C8orf89: variants seen among roughly 807,000 people sequenced by gnomAD.
The protein encoded by C8orf89 is chromosome 8 open reading frame 89, also known as putative uncharacterized protein C8orf89.
A neutral mutation model predicts 15.8 loss-of-function variants in C8orf89; 14 were observed. That is an observed-to-expected ratio of 0.89 (90% CI 0.59 to 1.39). The LOEUF is 1.39. Ranked by LOEUF, C8orf89 falls within the 40% of genes most tolerant of loss-of-function variation. The probability of loss-of-function intolerance (pLI) is 0.00; values close to 1 mark genes in which losing one functional copy is unlikely to be tolerated. For missense variants in C8orf89, 181 were observed against 184.5 expected, an observed-to-expected ratio of 0.98 and a Z score of 0.11; for synonymous variants, 55 against 62.2, an observed-to-expected ratio of 0.88 and a Z score of 0.54.
At chr8:73,275,942 T>C in the C8orf89 span, among the ~76,000 whole-genome samples, 1 of 152,158 alleles carries the variant, frequency 6.6e-6, no homozygotes, top group South Asian at 2.1e-4. Context: ...ATTTTGATAC[T>C]GTTTCTCTGA....
the C8orf89 span, among the ~76,000 whole-genome samples, chr8:73,264,856 A>T: frequency 3.3e-5 from 5 of 152,236 alleles, no homozygotes; most frequent in African/African-American, 1.2e-4. Flanking sequence ...AGGAATATCT[A>T]AAAGTGAAGA....
At chr8:73,246,596 C>G (rs1307326800) in intron 3 of C8orf89, among the ~76,000 whole-genome samples, 2 of 152,166 alleles carry the variant, frequency 1.3e-5, no homozygotes, top group African/African-American at 4.8e-5. Context: ...CCAGGCTGGT[C>G]TCAAACTCCT....
chr8:73,265,897 C>A, the C8orf89 span, among the ~76,000 whole-genome samples: 2 of 152,112 alleles, frequency 1.3e-5, no homozygotes, highest in African/African-American at 4.8e-5. Flanking sequence ...ACATGGACAC[C>A]CCTCTTTCCT....
chr8:73,280,533 G>C, the C8orf89 span, among the ~76,000 whole-genome samples: 1 of 152,008 alleles, frequency 6.6e-6, no homozygotes, highest in African/African-American at 2.4e-5. Context: ...CCCAGGCCCA[G>C]CTAAATTTTT....
chr8:73,266,774 A>C, the C8orf89 span, among the ~76,000 whole-genome samples: 4 of 152,194 alleles, frequency 2.6e-5, no homozygotes, highest in Non-Finnish European at 4.4e-5. Context: ...GCAGGCGCCC[A>C]GAAACAATCA....
chr8:73,285,660 C>T, the C8orf89 span, among the ~76,000 whole-genome samples: 1 of 152,220 alleles, frequency 6.6e-6, no homozygotes, highest in Admixed American at 6.5e-5. Flanking sequence ...CGATCCTGGC[C>T]GTTGCGGCCC....
upstream of C8orf89, among the ~76,000 whole-genome samples, chr8:73,261,939 A>G (rs374975884): frequency 6.6e-6 from 1 of 152,066 alleles, no homozygotes; most frequent in East Asian, 1.9e-4. Context: ...CTTGGGGTTG[A>G]TCCTCTTTCC....
At chr8:73,270,175 A>T in the C8orf89 span, among the ~76,000 whole-genome samples, 2 of 152,242 alleles carry the variant, frequency 1.3e-5, no homozygotes, top group African/African-American at 4.8e-5. Flanking sequence ...TCATTATAAT[A>T]AAAATTTATT....
chr8:73,265,043 A>G, the C8orf89 span, among the ~76,000 whole-genome samples: 1 of 152,206 alleles, frequency 6.6e-6, no homozygotes, highest in Non-Finnish European at 1.5e-5. Flanking sequence ...GATGTGCTAT[A>G]AGTGTAAAAT....
At chr8:73,257,180 C>T in intron 1 of C8orf89, 54 bp from the exon 2 acceptor site, 2 of 1,169,814 alleles carry the variant, frequency 1.7e-6, no homozygotes, top group Non-Finnish European at 2.4e-6. Flanking sequence ...ACTTGTTTTA[C>T]TGCATCCTAA....
At chr8:73,248,561 C>T (rs1379561082) in intron 3 of C8orf89, among the ~76,000 whole-genome samples, 2 of 152,120 alleles carry the variant, frequency 1.3e-5, no homozygotes, top group African/African-American at 4.8e-5. Flanking sequence ...ATTGAGTCTT[C>T]CTATCCATGA....
upstream of C8orf89, among the ~76,000 whole-genome samples, chr8:73,260,438 T>G (rs1043261761): frequency 2.6e-5 from 4 of 152,060 alleles, no homozygotes; most frequent in Non-Finnish European, 4.4e-5. Context: ...CTAATGTAAA[T>G]GACAAGTTAA....
In C8orf89 at chr8:73,241,494, G is replaced by T. The variant is rs757699974; in HGVS notation, c.449C>A (p.Ser150Ter). Residue 150 changes from serine (S) to a stop codon, truncating the protein, a stop_gained, in exon 4 of 4, where the codon TCA (serine) becomes TAA (stop). Coordinates refer to ENST00000624510, the MANE Select transcript of C8orf89 (RefSeq NM_001243237.3). LOFTEE classifies it high-confidence loss of function. ...GAGGTCTCGTTTCTTGCTTTTTTTT[G>T]ATTTTGTGGTTGTTTCCTGACGAAT... ...DTIRQETTTK[S>*]KKSKKRDLRD... 88 of 1,524,922 alleles carry T rather than the reference G, an allele frequency of 5.8e-5. No homozygotes were observed. The highest frequency in any genetic ancestry group is 3.9e-4 in the African/African-American group (28 of 72,288). 94.5% of individuals were successfully genotyped at this position (1,524,922 alleles called of 1,614,324 possible). A position where few individuals can be genotyped will look rare whatever the true frequency, so the allele number is the denominator to read the frequency against.
chr8:73,245,790 C>A (rs181420785), intron 3 of C8orf89, among the ~76,000 whole-genome samples: 2 of 152,016 alleles, frequency 1.3e-5, no homozygotes, highest in African/African-American at 2.4e-5. Context: ...ATTAGAATAC[C>A]TTAAGAGCCC....
At chr8:73,242,450 C>T (rs1356196573) in intron 3 of C8orf89, among the ~76,000 whole-genome samples, 2 of 152,054 alleles carry the variant, frequency 1.3e-5, no homozygotes, top group Non-Finnish European at 2.9e-5. Context: ...CTCATTTAAA[C>T]TCTCATGTTA....
upstream of C8orf89, among the ~76,000 whole-genome samples, chr8:73,263,036 G>T (rs1464280247): frequency 6.6e-6 from 1 of 151,926 alleles, no homozygotes; most frequent in Non-Finnish European, 1.5e-5. Flanking sequence ...CGTAGGAAGA[G>T]ATAATAAAAA....
At chr8:73,242,695 C>T (rs1465704417) in intron 3 of C8orf89, among the ~76,000 whole-genome samples, 1 of 152,174 alleles carries the variant, frequency 6.6e-6, no homozygotes, top group Non-Finnish European at 1.5e-5. Flanking sequence ...AACCCTCATT[C>T]ACTGTTAGTG....
chr8:73,250,082 T>C (rs1441855362), intron 3 of C8orf89, among the ~76,000 whole-genome samples, 186 bp downstream of exon 3: 1 of 152,150 alleles, frequency 6.6e-6, no homozygotes, highest in East Asian at 1.9e-4. Context: ...CCTTGAGTCC[T>C]GAAATTATAA....
rs745448356 is a variant in C8orf89, at chr8:73,241,546, T to C, written c.397A>G (p.Lys133Glu). 1.3e-6 allele frequency: 2 copies of C among 1,534,206 alleles called. No homozygotes were observed. The highest frequency in any genetic ancestry group is 2.4e-5 in the South Asian group (2 of 83,746). ...GTATCATATTCCAATATGGCTATTTTGGAAAGTCTCTCTAAGTATTGAGAT... is the reference window on the plus strand; with the variant it reads ...GTATCATATTCCAATATGGCTATTTCGGAAAGTCTCTCTAAGTATTGAGAT... ...APSQYLERLS[K>E]IAILEYDTIR... Residue 133 changes from lysine (K) to glutamate (E), a missense_variant, in exon 4 of 4, where the codon AAA becomes GAA. Lys to Glu is a moderately conservative substitution (Grantham distance 56, BLOSUM62 1). Coordinates refer to ENST00000624510, the MANE Select transcript of C8orf89 (RefSeq NM_001243237.3).
Sources: allele counts gnomAD v4.1 joint callset (sites outside exome capture counted in the v4.1 genomes callset), GRCh38; gene constraint gnomAD v4.1.1; transcripts MANE v1.5; gene names NCBI Gene and HGNC (gene_info 2026-07-23, HGNC 2026-07-21).